Variants in EYS observed in about 807,000 individuals in gnomAD.
The protein encoded by EYS is protein eyes shut homolog.
EYS carries 250 observed loss-of-function variants against 282.1 expected under a neutral mutation model. The ratio of observed to expected loss-of-function variants is 0.89; its 90% CI spans 0.80 to 0.98. The LOEUF (loss-of-function observed/expected upper bound fraction) is 0.98. Ranked by LOEUF, EYS falls within the 50% of genes least tolerant of loss-of-function variation. The pLI, the probability that EYS is intolerant of heterozygous loss-of-function variation, is 0.00. For missense variants in EYS, 4,016 were observed against 3,709.0 expected (o/e 1.08, Z -2.15); for synonymous variants, 1,355 against 1,282.9 (o/e 1.06, Z -1.20).
chr6:65,408,978 T>C (rs543463109), intron 5 of EYS, among the ~76,000 whole-genome samples: 1 of 152,246 alleles, frequency 6.6e-6, no homozygotes, highest in Admixed American at 6.5e-5. Flanking sequence ...ATTTCAGAAA[T>C]ATGTTGTTTA....
At chr6:64,789,806 G>A (rs1257958610) in intron 22 of EYS, among the ~76,000 whole-genome samples, 1 of 151,736 alleles carries the variant, frequency 6.6e-6, no homozygotes, top group Non-Finnish European at 1.5e-5. Flanking sequence ...ACATGGCACA[G>A]CAGATGCTCA....
At chr6:64,302,487 T>TC (rs1220000936) in intron 30 of EYS, among the ~76,000 whole-genome samples, 1 of 152,204 alleles carries the variant, frequency 6.6e-6, no homozygotes, top group Non-Finnish European at 1.5e-5. Flanking sequence ...ACCTGATATG[T>TC]CATTAAACAT....
chr6:65,057,608 C>A lies in EYS; in HGVS notation c.2137+6G>T. ...TTGCTTTTCCTTATCCCTTGGTGTTCATTACCTTTAAATGGAGGCACACAC... is the reference window on the plus strand; with the variant it reads ...TTGCTTTTCCTTATCCCTTGGTGTTAATTACCTTTAAATGGAGGCACACAC... On this transcript the variant is annotated splice_donor_region_variant and intron_variant, in intron 13 of 42. Coordinates refer to ENST00000503581, the MANE Select transcript of EYS (RefSeq NM_001142800.2). The A allele has an allele frequency of 6.6e-7, 1 of 1,511,222 alleles. No individual in the cohort carries two copies. The highest frequency in any genetic ancestry group is 2.5e-5 in the East Asian group (1 of 40,684). The allele number at this position is 1,511,222 out of a possible 1,614,324, so 93.6% of individuals were successfully genotyped here.
At chr6:64,176,667 C>G (rs933978658) in intron 31 of EYS, among the ~76,000 whole-genome samples, 1 of 152,004 alleles carries the variant, frequency 6.6e-6, no homozygotes, top group Admixed American at 6.6e-5. Context: ...AAAAAAACTT[C>G]TAAATTCTCT....
rs560851785 is a variant in EYS, at chr6:64,747,696, G to T, written c.3443+65682C>A. ...CCCAGCCCTAGAATCACTTAATAGC[G>T]CCTTCATTTCTCTCTCTGATCTGTT... On this transcript the variant is annotated intron_variant, in intron 22 of 42. Coordinates refer to ENST00000503581, the MANE Select transcript of EYS (RefSeq NM_001142800.2). Among the ~76,000 whole-genome samples the T allele has an allele frequency of 3.3e-5, 5 of 152,220 alleles. No individual in the cohort carries two copies. The East Asian group carries it at 7.7e-4, about 24-fold the overall frequency.
chr6:64,195,343 C>A (rs1451005204), intron 31 of EYS, among the ~76,000 whole-genome samples: 1 of 152,174 alleles, frequency 6.6e-6, no homozygotes, highest in African/African-American at 2.4e-5. Flanking sequence ...TATACTGTCA[C>A]CCAGGCTGGT....
chr6:64,154,912 G>T (rs1179472371), intron 31 of EYS, among the ~76,000 whole-genome samples: 1 of 152,086 alleles, frequency 6.6e-6, no homozygotes, highest in Non-Finnish European at 1.5e-5. Flanking sequence ...AACTCCAGGT[G>T]AATTATTTTG....
chr6:64,379,440 A>G (rs1437587614), intron 29 of EYS: 1 of 152,152 alleles, frequency 6.6e-6, no homozygotes, highest in Non-Finnish European at 1.5e-5. Flanking sequence ...ATATTGATGG[A>G]CTTTGATTTG....
chr6:64,039,113 C>T (rs1456972021), intron 33 of EYS, among the ~76,000 whole-genome samples: 2 of 152,084 alleles, frequency 1.3e-5, no homozygotes, highest in Non-Finnish European at 2.9e-5. Context: ...ACCTAATTTT[C>T]AAATACCTGA....
chr6:63,971,148 G>T (rs1414013116), intron 35 of EYS, among the ~76,000 whole-genome samples: 2 of 152,122 alleles, frequency 1.3e-5, no homozygotes, highest in African/African-American at 4.8e-5. Context: ...AGTAGAACAG[G>T]CAATAGATAG....
chr6:64,270,267 C>T (rs1287925455), intron 30 of EYS, among the ~76,000 whole-genome samples: 1 of 151,962 alleles, frequency 6.6e-6, no homozygotes, highest in African/African-American at 2.4e-5. Context: ...TTCAAGATGA[C>T]TTTCACATGT....
chr6:64,390,970 G>T (rs536106614), intron 28 of EYS, among the ~76,000 whole-genome samples: 102 of 152,124 alleles, frequency 6.7e-4, no homozygotes, highest in African/African-American at 2.3e-3. Context: ...AGAACTACGT[G>T]AAGAATGCAG....
intron 24 of EYS, among the ~76,000 whole-genome samples, chr6:64,608,525 A>G (rs1767005347): frequency 6.6e-6 from 1 of 152,236 alleles, no homozygotes; most frequent in Non-Finnish European, 1.5e-5. Context: ...CTAAGTAAAC[A>G]TACTGTTACT....
intron 2 of EYS, among the ~76,000 whole-genome samples, chr6:65,625,501 C>A (rs1343780693): frequency 6.6e-6 from 1 of 152,108 alleles, no homozygotes; most frequent in South Asian, 2.1e-4. Flanking sequence ...ACAACAAAAA[C>A]ATGTTAATTT....
intron 1 of EYS, among the ~76,000 whole-genome samples, chr6:65,690,666 C>T (rs13437150): frequency 0.019 from 2,818 of 148,378 alleles, 168 homozygotes; most frequent in African/African-American, 0.066. Context: ...AATAGTTTCA[C>T]GGGGTCTGCC....
chr6:64,120,776 C>T (rs1773560357), intron 31 of EYS, among the ~76,000 whole-genome samples: 3 of 152,028 alleles, frequency 2.0e-5, no homozygotes, highest in African/African-American at 7.2e-5. Flanking sequence ...CATTAGTTTT[C>T]TGTTGCTGCA....
intron 32 of EYS, among the ~76,000 whole-genome samples, chr6:64,075,063 C>G (rs1010691988): frequency 6.6e-6 from 1 of 151,896 alleles, no homozygotes. Context: ...ATGATAAAGA[C>G]TGTTTGGTTA....
intron 22 of EYS, among the ~76,000 whole-genome samples, chr6:64,647,121 C>T (rs889347045): frequency 5.5e-4 from 84 of 152,064 alleles, no homozygotes; most frequent in African/African-American, 1.9e-3. Context: ...TAATTTAATA[C>T]TGAAGTAACT....
At chr6:63,883,578 C>T (rs1026057504) in intron 35 of EYS, among the ~76,000 whole-genome samples, 3 of 152,190 alleles carry the variant, frequency 2.0e-5, no homozygotes, top group Admixed American at 6.5e-5. Flanking sequence ...ATAGAATCCT[C>T]GAAGTAGGGA....
Sources: gnomAD v4.1 joint callset for allele counts (sites outside exome capture counted in the v4.1 genomes callset) on GRCh38, gnomAD v4.1.1 for gene constraint, MANE v1.5 for transcripts, NCBI Gene and HGNC (gene_info 2026-07-23, HGNC 2026-07-21) for gene names.